NAA20: variants seen among roughly 807,000 people sequenced by gnomAD.
The protein encoded by NAA20 is N-alpha-acetyltransferase 20.
A neutral mutation model predicts 23.8 loss-of-function variants in NAA20; 24 were observed. The ratio of observed to expected loss-of-function variants is 1.01; its 90% CI spans 0.73 to 1.42. The LOEUF (loss-of-function observed/expected upper bound fraction) is 1.42, where lower values mean the gene tolerates loss of function less well. Among genes scored for constraint, NAA20 ranks in the 40% most tolerant of loss-of-function variants. The pLI, the probability that NAA20 is intolerant of heterozygous loss-of-function variation, is 0.00. For missense variants in NAA20, 166 were observed against 223.1 expected (o/e 0.74, Z 1.63); for synonymous variants, 83 against 77.7 (o/e 1.07, Z -0.36).
chr20:20,018,121 C>T, intron 1 of NAA20: 1 of 1,599,140 alleles, frequency 6.3e-7, no homozygotes, highest in Non-Finnish European at 8.6e-7. Context: ...CACGGCAGAT[C>T]TTAGGGGAGG....
intron 1 of NAA20, chr20:20,018,913 C>T: frequency 1.0e-6 from 1 of 985,384 alleles, no homozygotes; most frequent in Middle Eastern, 5.2e-4. Context: ...GATATTGGCT[C>T]TGGAGCAGTG....
chr20:20,028,390 G>T (rs916225103), intron 4 of NAA20, among the ~76,000 whole-genome samples: 3 of 152,062 alleles, frequency 2.0e-5, no homozygotes, highest in Non-Finnish European at 4.4e-5. Context: ...TAATGTAGAT[G>T]ACGAGTTGAT....
intron 4 of NAA20, among the ~76,000 whole-genome samples, chr20:20,029,060 C>T (rs2043325181): frequency 6.6e-6 from 1 of 152,074 alleles, no homozygotes; most frequent in South Asian, 2.1e-4. Flanking sequence ...CTCTGAGTAG[C>T]TGGGATTACA....
chr20:20,031,318 T>C (rs556762904), intron 4 of NAA20, among the ~76,000 whole-genome samples: 23 of 152,258 alleles, frequency 1.5e-4, no homozygotes, highest in African/African-American at 4.6e-4. Context: ...AGAAGAGGCA[T>C]TGCACATCAA....
Position 20,026,818 on chromosome 20 carries a change from A to G in NAA20, c.204A>G (p.Glu68=), listed in dbSNP as rs2043309657. ...MGKAEGSVAR[E]EWHGHVTALS... ...AAGCAGAAGGCTCAGTAGCTAGGGAAGAATGGCACGGGCACGTCACAGCTC... is the reference window on the plus strand; with the variant it reads ...AAGCAGAAGGCTCAGTAGCTAGGGAGGAATGGCACGGGCACGTCACAGCTC... The change falls in exon 4 of 6, where the codon GAA becomes GAG. Residue 68 remains glutamate (E), a synonymous_variant. Coordinates refer to ENST00000334982, the MANE Select transcript of NAA20 (RefSeq NM_016100.5). 6 of 1,614,092 alleles carry G rather than the reference A, an allele frequency of 3.7e-6. No individual in the cohort carries two copies. Among genetic ancestry groups the G allele is most frequent in the Admixed American group, 1.7e-5 (1 of 60,004 alleles).
chr20:20,019,586 ATTTTC>A (rs1218581237), intron 1 of NAA20, among the ~76,000 whole-genome samples: 1 of 152,072 alleles, frequency 6.6e-6, no homozygotes, highest in East Asian at 1.9e-4. Context: ...CTTATTCCCC[ATTTTC>A]TTTTATTTTT....
At chr20:20,028,604 T>G (rs957969170) in intron 4 of NAA20, among the ~76,000 whole-genome samples, 2 of 152,196 alleles carry the variant, frequency 1.3e-5, no homozygotes, top group African/African-American at 4.8e-5. Flanking sequence ...CCTTCCAGTT[T>G]CTAAGCCTTC....
intron 1 of NAA20, among the ~76,000 whole-genome samples, chr20:20,019,040 C>T (rs1293444410): frequency 6.6e-6 from 1 of 152,136 alleles, no homozygotes; most frequent in African/African-American, 2.4e-5. Flanking sequence ...AGAGGCTCAC[C>T]CTCTCTTTAA....
chr20:20,030,335 G>T (rs2146468393), intron 4 of NAA20, among the ~76,000 whole-genome samples: 1 of 151,806 alleles, frequency 6.6e-6, no homozygotes, highest in East Asian at 2.0e-4. Context: ...ATTTTAGAAA[G>T]TGCAGCAAAC....
intron 1 of NAA20, chr20:20,018,000 C>T (rs1366838695): frequency 1.2e-6 from 2 of 1,614,206 alleles, no homozygotes; most frequent in African/African-American, 1.3e-5. Context: ...TGAAATGACA[C>T]TGATCACTGC....
At position 20,029,886 on chromosome 20, in the gene NAA20, G is replaced by A. The variant is rs1295798398; in HGVS notation, c.306-2622G>A. 4.3e-5 allele frequency among the ~76,000 whole-genome samples: 6 copies of A among 141,154 alleles called. No homozygotes were observed. In the East Asian group the frequency reaches 9.6e-4, roughly 23 times the overall value. 92.6% of individuals were successfully genotyped at this position (141,154 alleles called of 152,430 possible). A position where few individuals can be genotyped will look rare whatever the true frequency, so the allele number is the denominator to read the frequency against. On this transcript the variant is annotated intron_variant, in intron 4 of 5. Transcript: ENST00000334982. Reference sequence around the variant, plus strand: ...TAAAGTCTTGGTTACATAGTTTTTTGTTTTGTTTTGTTTTGTTTTGTTTTT... The same window carrying A: ...TAAAGTCTTGGTTACATAGTTTTTTATTTTGTTTTGTTTTGTTTTGTTTTT...
chr20:20,017,698 C>T, intron 1 of NAA20: 3 of 1,427,104 alleles, frequency 2.1e-6, no homozygotes, highest in Non-Finnish European at 2.7e-6. Flanking sequence ...TCTCTGGACC[C>T]TGCGAGCTGG....
chr20:20,026,921 T>C lies in NAA20; in HGVS notation c.305+2T>C. On this transcript the variant is annotated splice_donor_variant, in intron 4 of 5. Transcript: ENST00000334982. LOFTEE classifies it high-confidence loss of function. Reference sequence around the variant, plus strand: ...GTTACTAGAGGAGATTTCAGAAAGGTGAGATTCAGTTTTTCAAATACACTT... The same window carrying C: ...GTTACTAGAGGAGATTTCAGAAAGGCGAGATTCAGTTTTTCAAATACACTT... 1.2e-6 allele frequency: 2 copies of C among 1,614,076 alleles called. No individual in the cohort carries two copies. Among genetic ancestry groups the C allele is most frequent in the Non-Finnish European group, 1.7e-6 (2 of 1,179,950 alleles).
At position 20,033,218 on chromosome 20, in the gene NAA20, T is replaced by C; in HGVS notation, c.*31T>C. 1 of 1,494,036 alleles carries C rather than the reference T, an allele frequency of 6.7e-7. No individual in the cohort carries two copies. The highest frequency in any genetic ancestry group is 1.4e-5 in the African/African-American group (1 of 72,338). The allele number at this position is 1,494,036 out of a possible 1,614,324, so 92.5% of individuals were successfully genotyped here. On this transcript the variant is annotated 3_prime_UTR_variant, in exon 6 of 6. Transcript: ENST00000334982. ...GGCAGTGGTTCTTAGGCAGATACTC[T>C]AGATGCTTTATGGACAATATTATTT...
In NAA20 at chr20:20,033,446, A is replaced by G. The variant is rs2043363508; in HGVS notation, c.*259A>G. 2.7e-6 allele frequency: 1 copy of G among 367,852 alleles called. No homozygotes were observed. Among genetic ancestry groups the G allele is most frequent in the African/African-American group, 2.0e-5 (1 of 49,098 alleles). 22.8% of individuals were successfully genotyped at this position (367,852 alleles called of 1,614,324 possible). A position where few individuals can be genotyped will look rare whatever the true frequency, so the allele number is the denominator to read the frequency against. On this transcript the variant is annotated 3_prime_UTR_variant, in exon 6 of 6. Transcript: ENST00000334982. ...AGGAAACATACCACTCTCATGGTTC[A>G]TAGTATTCACTGTATGTATGCTAGG... is the stretch of plus-strand genomic sequence containing the variant.
At chr20:20,025,823 T>G in intron 3 of NAA20, 56 bp downstream of exon 3, 1 of 1,126,558 alleles carries the variant, frequency 8.9e-7, no homozygotes. Flanking sequence ...AATATAGATT[T>G]CAACTGATTG....
chr20:20,030,767 C>T (rs2043338497), intron 4 of NAA20, among the ~76,000 whole-genome samples: 1 of 151,672 alleles, frequency 6.6e-6, no homozygotes, highest in Non-Finnish European at 1.5e-5. Context: ...AATATAAAAT[C>T]CACAAGAATC....
At position 20,033,592 on chromosome 20, in the gene NAA20, T is replaced by C. The variant is rs1405142300; in HGVS notation, c.*405T>C. Reference sequence around the variant, plus strand: ...GCTTTAAAAGCATATATGAAATGTATAAATCTAAGATGTATAATACATTAT... The same window carrying C: ...GCTTTAAAAGCATATATGAAATGTACAAATCTAAGATGTATAATACATTAT... On this transcript the variant is annotated 3_prime_UTR_variant, in exon 6 of 6. Coordinates refer to ENST00000334982, the MANE Select transcript of NAA20 (RefSeq NM_016100.5). The C allele has an allele frequency of 6.3e-6, 1 of 158,712 alleles. No homozygotes were observed. The highest frequency in any genetic ancestry group is 6.1e-5 in the Admixed American group (1 of 16,270). 9.8% of individuals were successfully genotyped at this position (158,712 alleles called of 1,614,324 possible). A position where few individuals can be genotyped will look rare whatever the true frequency, so the allele number is the denominator to read the frequency against.
chr20:20,026,830 G>A lies in NAA20; in HGVS notation c.216G>A (p.Gly72=), dbSNP rs1252257070. 1 of 1,614,140 alleles carries A rather than the reference G, an allele frequency of 6.2e-7. No homozygotes were observed. ...EGSVAREEWH[G]HVTALSVAPE... is the part of the protein sequence containing the mutation. ...CAGTAGCTAGGGAAGAATGGCACGG[G>A]CACGTCACAGCTCTGTCTGTTGCCC... The change falls in exon 4 of 6, where the codon GGG becomes GGA. Residue 72 remains glycine, a synonymous_variant. Transcript: ENST00000334982.
Sources: allele counts gnomAD v4.1 joint callset (sites outside exome capture counted in the v4.1 genomes callset), GRCh38; gene constraint gnomAD v4.1.1; transcripts MANE v1.5; gene names NCBI Gene and HGNC (gene_info 2026-07-23, HGNC 2026-07-21).